The following ZFHX3 variants were observed in gnomAD, a reference collection of about 807,000 sequenced individuals.
The protein encoded by ZFHX3 is zinc finger homeobox protein 3.
ZFHX3 carries 42 observed loss-of-function variants against 279.1 expected under a neutral mutation model. That is an observed-to-expected ratio of 0.15 (90% CI 0.12 to 0.19). The LOEUF (loss-of-function observed/expected upper bound fraction) is 0.19. Among genes scored for constraint, ZFHX3 ranks in the 10% least tolerant of loss-of-function variants. ZFHX3 has a pLI of 1.00. For missense variants in ZFHX3, 4,981 were observed against 4,754.0 expected (o/e 1.05, Z -1.40); for synonymous variants, 2,293 against 1,957.8 (o/e 1.17, Z -4.52).
chr16:72,934,922 A>G (rs1393705717), intron 3 of ZFHX3, among the ~76,000 whole-genome samples: 1 of 152,220 alleles, frequency 6.6e-6, no homozygotes, highest in Non-Finnish European at 1.5e-5. Context: ...GGATCATGTC[A>G]GGGGATCATG....
At chr16:73,889,367 G>T (rs927998641) in intron 1 of ZFHX3, among the ~76,000 whole-genome samples, 1 of 152,158 alleles carries the variant, frequency 6.6e-6, no homozygotes, top group Non-Finnish European at 1.5e-5. Flanking sequence ...AATAGTATCC[G>T]TGCACAGTGT....
intron 5 of ZFHX3, among the ~76,000 whole-genome samples, chr16:73,195,898 C>A (rs1364010967): frequency 1.3e-5 from 2 of 152,048 alleles, no homozygotes; most frequent in East Asian, 3.9e-4. Flanking sequence ...GCAGTTACAC[C>A]AATGGTGCAG....
intron 2 of ZFHX3, among the ~76,000 whole-genome samples, chr16:73,603,594 C>G (rs568190985): frequency 2.0e-5 from 3 of 152,088 alleles, no homozygotes; most frequent in East Asian, 3.9e-4. Context: ...GTAATCCCAC[C>G]TCCAGAAATC....
chr16:73,598,294 C>T (rs969762660), intron 2 of ZFHX3, among the ~76,000 whole-genome samples: 1 of 152,144 alleles, frequency 6.6e-6, no homozygotes, highest in Admixed American at 6.5e-5. Context: ...AGGACAAATT[C>T]TTCTGGTTTA....
chr16:73,475,561 T>A (rs995195965), intron 2 of ZFHX3, among the ~76,000 whole-genome samples: 1 of 152,304 alleles, frequency 6.6e-6, no homozygotes, highest in Admixed American at 6.5e-5. Context: ...TTCCTCAAAG[T>A]TGCACTTTAA....
intron 7 of ZFHX3, among the ~76,000 whole-genome samples, chr16:73,122,161 AG>A (rs1318006057): frequency 6.6e-6 from 1 of 152,114 alleles, no homozygotes; most frequent in Non-Finnish European, 1.5e-5. Context: ...ATTAATGGAT[AG>A]CCACATCAAA....
At chr16:73,617,036 C>G (rs4887871) in intron 2 of ZFHX3, among the ~76,000 whole-genome samples, 146,133 of 152,266 alleles carry the variant, frequency 0.96, 70,184 homozygotes, top group East Asian at 1. Flanking sequence ...TGTGTCAACT[C>G]TATTAATCAT....
chr16:72,971,910 G>C (rs1350664097), intron 1 of ZFHX3, among the ~76,000 whole-genome samples: 2 of 131,142 alleles, frequency 1.5e-5, no homozygotes, highest in African/African-American at 6.0e-5. Flanking sequence ...TTTTGAGACG[G>C]AGTTTCACCC....
At chr16:72,853,538 T>C (rs557766546) in intron 4 of ZFHX3, among the ~76,000 whole-genome samples, 5 of 152,366 alleles carry the variant, frequency 3.3e-5, no homozygotes, top group South Asian at 2.1e-4. Flanking sequence ...TTAAGACCCA[T>C]TGATTTACAA....
intron 4 of ZFHX3, among the ~76,000 whole-genome samples, chr16:73,275,847 T>C (rs1032610981): frequency 1.3e-5 from 2 of 152,308 alleles, no homozygotes; most frequent in Admixed American, 1.3e-4. Context: ...TGAAGTGCAG[T>C]AAAGTGAAGC....
rs145053194 is a variant in ZFHX3 at position 73,204,357 on chromosome 16, T to C, written c.-1104+52690A>G. 3.9e-5 allele frequency among the ~76,000 whole-genome samples: 6 copies of C among 152,100 alleles called. No homozygotes were observed. In the East Asian group the frequency reaches 9.7e-4, roughly 24 times the overall value. On this transcript the variant is annotated intron_variant, in intron 5 of 17. Coordinates refer to the ZFHX3 transcript ENST00000641206. The stretch of plus-strand genomic sequence containing the variant: ...ACCAAAATGTAGGTTCAATGGGAGC[T>C]CTGAGCTTGTTTTCCTGCAACTAGC...
intron 5 of ZFHX3, among the ~76,000 whole-genome samples, chr16:72,819,606 T>C (rs925218178): frequency 2.0e-5 from 3 of 152,094 alleles, no homozygotes; most frequent in Admixed American, 1.3e-4. Context: ...GTGTAATAGG[T>C]AGGAACCACG....
At chr16:73,861,926 C>T (rs1187995273) in intron 1 of ZFHX3, among the ~76,000 whole-genome samples, 2 of 152,148 alleles carry the variant, frequency 1.3e-5, no homozygotes, top group South Asian at 2.1e-4. Flanking sequence ...TTTGTTTTGT[C>T]GAGAGGACTT....
chr16:73,578,293 A>T (rs1186854713), intron 2 of ZFHX3, among the ~76,000 whole-genome samples: 2 of 152,108 alleles, frequency 1.3e-5, no homozygotes, highest in Non-Finnish European at 2.9e-5. Context: ...GACTTATGGA[A>T]TCATAGATAC....
chr16:73,269,342 T>C (rs6420388), intron 4 of ZFHX3, among the ~76,000 whole-genome samples: 96,503 of 152,076 alleles, frequency 0.63, 31,614 homozygotes, highest in African/African-American at 0.8. Flanking sequence ...CTTCCCTGCC[T>C]CCAGCCCAGG....
chr16:73,318,320 C>CA (rs1452227846), exon 4 of ZFHX3: 2 of 152,186 alleles, frequency 1.3e-5, no homozygotes, highest in African/African-American at 4.8e-5. Context: ...CCTCTTCCCA[C>CA]ACACATCCAG....
At chr16:73,310,609 A>G (rs1030518647) in intron 4 of ZFHX3, among the ~76,000 whole-genome samples, 5 of 152,168 alleles carry the variant, frequency 3.3e-5, no homozygotes, top group Admixed American at 6.5e-5. Context: ...AATATGCTAT[A>G]GTACATAGGA....
At chr16:72,822,799 T>G (rs1176715534) in intron 5 of ZFHX3, among the ~76,000 whole-genome samples, 2 of 147,338 alleles carry the variant, frequency 1.4e-5, no homozygotes, top group African/African-American at 5.0e-5. Context: ...AAGTGAGTTT[T>G]TTTTTTTTTT....
chr16:73,534,223 T>C (rs2019855497), intron 2 of ZFHX3, among the ~76,000 whole-genome samples: 2 of 152,156 alleles, frequency 1.3e-5, no homozygotes, highest in Admixed American at 6.5e-5. Context: ...ACACAAAGTA[T>C]ACTTCCACTT....
Sources: gnomAD v4.1 joint callset for allele counts (sites outside exome capture counted in the v4.1 genomes callset) on GRCh38, gnomAD v4.1.1 for gene constraint, MANE v1.5 for transcripts, NCBI Gene and HGNC (gene_info 2026-07-23, HGNC 2026-07-21) for gene names.